Variants in NAV3 observed in about 807,000 individuals in gnomAD.
NAV3 encodes neuron navigator 3, also known as pore membrane and/or filament interacting like protein 1.
Under a neutral mutation model 244.7 loss-of-function variants are expected in NAV3, and 87 were observed. The ratio of observed to expected loss-of-function variants is 0.36; its 90% CI spans 0.30 to 0.42. The LOEUF (loss-of-function observed/expected upper bound fraction) is 0.42, where lower values mean the gene tolerates loss of function less well. Among genes scored for constraint, NAV3 ranks in the 20% least tolerant of loss-of-function variants. NAV3 has a pLI of 1.00. For synonymous variants in NAV3, 1,126 were observed against 1,042.2 expected, an observed-to-expected ratio of 1.08 and a Z score of -1.55; for missense variants, 2,663 against 2,893.3, an observed-to-expected ratio of 0.92 and a Z score of 1.83.
chr12:78,059,959 A>C (rs1414428471), intron 12 of NAV3, among the ~76,000 whole-genome samples: 1 of 131,356 alleles, frequency 7.6e-6, no homozygotes, highest in African/African-American at 2.5e-5. Context: ...AATTTCTTAA[A>C]GATGTGTGTG....
At chr12:77,718,013 C>G (rs1189610409) in intron 2 of NAV3, among the ~76,000 whole-genome samples, 1 of 152,092 alleles carries the variant, frequency 6.6e-6, no homozygotes, top group Admixed American at 6.6e-5. Context: ...ACATTCCCTC[C>G]CATTCCACAG....
chr12:78,197,065 T>A (rs1959185137), intron 34 of NAV3, among the ~76,000 whole-genome samples, 182 bp from the exon 35 acceptor site: 1 of 151,954 alleles, frequency 6.6e-6, no homozygotes, highest in Non-Finnish European at 1.5e-5. Context: ...TTTAAAAAAA[T>A]TATTCTGTCA....
intron 2 of NAV3, among the ~76,000 whole-genome samples, chr12:77,646,404 C>T (rs999139557): frequency 5.3e-5 from 8 of 152,060 alleles, no homozygotes; most frequent in Non-Finnish European, 5.9e-5. Context: ...TCTGTTGAGC[C>T]CTTTGTGTGA....
chr12:78,109,483 A>G (rs1954976422), intron 12 of NAV3, among the ~76,000 whole-genome samples: 1 of 152,018 alleles, frequency 6.6e-6, no homozygotes, highest in Admixed American at 6.6e-5. Context: ...AAAACCTGAC[A>G]AGGACACCAC....
intron 1 of NAV3, among the ~76,000 whole-genome samples, chr12:77,843,277 C>T (rs1184418405): frequency 6.6e-6 from 1 of 151,894 alleles, no homozygotes; most frequent in East Asian, 1.9e-4. Flanking sequence ...CTTCTGATTC[C>T]AGCTAGACCT....
intron 12 of NAV3, among the ~76,000 whole-genome samples, chr12:78,090,354 C>A (rs1317582016): frequency 6.6e-6 from 1 of 151,424 alleles, no homozygotes; most frequent in Non-Finnish European, 1.5e-5. Flanking sequence ...TAATACTAAG[C>A]AATAAAAAAT....
At chr12:77,906,813 T>A (rs982967719) in intron 1 of NAV3, among the ~76,000 whole-genome samples, 4 of 152,154 alleles carry the variant, frequency 2.6e-5, no homozygotes, top group Admixed American at 6.6e-5. Flanking sequence ...AAGTGTTAAA[T>A]ATTGAACTAC....
intron 2 of NAV3, among the ~76,000 whole-genome samples, chr12:77,706,009 T>C (rs1057483191): frequency 4.6e-5 from 7 of 151,518 alleles, no homozygotes; most frequent in African/African-American, 1.7e-4. Context: ...GCTATTGTAA[T>C]AGATGGTGAT....
At chr12:77,818,949 T>C (rs1872626441) in intron 2 of NAV3, among the ~76,000 whole-genome samples, 2 of 152,138 alleles carry the variant, frequency 1.3e-5, no homozygotes, top group Admixed American at 1.3e-4. Flanking sequence ...ATTACACATT[T>C]ATATGTAATA....
Position 77,941,122 on chromosome 12 carries a change from C to G in NAV3, c.403C>G (p.Gln135Glu). The G allele has an allele frequency of 1.3e-6, 2 of 1,567,566 alleles. No homozygotes were observed. Residue 135 changes from glutamine (Q) to glutamate (E), a missense_variant, in exon 3 of 40, where the codon CAG becomes GAG. Around this residue, in one of 6 missense-constraint regions of NAV3, gnomAD observed 1,521 missense variants for 1,497.0 expected, o/e 1.02. Transcript: ENST00000397909. ...AGATATCAATGGATGTCCTAGAAGT[C>G]AGTCTCAGATGGTAAGAATCATATT... ...VEDINGCPRS[Q>E]SQMIENVDVC...
intron 5 of NAV3, among the ~76,000 whole-genome samples, chr12:77,983,865 T>A (rs535740299): frequency 1.1e-4 from 16 of 152,354 alleles, no homozygotes; most frequent in African/African-American, 3.8e-4. Context: ...TTTGTTCTTG[T>A]CTTTCAAATT....
In NAV3 at chr12:77,674,747, G is replaced by A. The variant is rs1427058865; in HGVS notation, c.72+102481G>A. Among the ~76,000 whole-genome samples the A allele has an allele frequency of 2.0e-5, 3 of 152,114 alleles. No individual in the cohort carries two copies. The East Asian group carries it at 5.8e-4, about 29-fold the overall frequency. On this transcript the variant is annotated intron_variant, in intron 2 of 8. Coordinates refer to the NAV3 transcript ENST00000550042. ...AAGTTGCACATGCATTTATATCCAT[G>A]CATTCATTCAATTATTATTCATTGA...
chr12:77,789,234 T>C (rs1035243401), intron 2 of NAV3, among the ~76,000 whole-genome samples: 7 of 152,198 alleles, frequency 4.6e-5, no homozygotes, highest in African/African-American at 1.4e-4. Context: ...GCATGTCTGA[T>C]TGTTTTGTCC....
chr12:77,716,666 A>G (rs1413974280), intron 2 of NAV3, among the ~76,000 whole-genome samples: 1 of 152,002 alleles, frequency 6.6e-6, no homozygotes, highest in Non-Finnish European at 1.5e-5. Flanking sequence ...ATTACAAATG[A>G]TCAAAATTCC....
At chr12:77,671,585 A>G (rs1032947011) in intron 2 of NAV3, among the ~76,000 whole-genome samples, 7 of 152,314 alleles carry the variant, frequency 4.6e-5, no homozygotes, top group South Asian at 2.1e-4. Flanking sequence ...AAGGGAACAG[A>G]GTAGCGATTC....
intron 38 of NAV3, among the ~76,000 whole-genome samples, chr12:78,203,117 GTCAGCTATCAAT>G (rs1211886462): frequency 6.6e-6 from 1 of 152,034 alleles, no homozygotes; most frequent in Non-Finnish European, 1.5e-5. Context: ...TTCTTAACTA[GTCAGCTATCAAT>G]TCATCTCATT....
At chr12:77,733,304 A>G (rs879806664) in intron 2 of NAV3, among the ~76,000 whole-genome samples, 4 of 152,004 alleles carry the variant, frequency 2.6e-5, no homozygotes, top group Admixed American at 1.3e-4. Context: ...TAGATGAAAA[A>G]CCATTTATCA....
At chr12:77,937,058 T>C (rs1889392565) in intron 1 of NAV3, among the ~76,000 whole-genome samples, 1 of 152,186 alleles carries the variant, frequency 6.6e-6, no homozygotes, top group African/African-American at 2.4e-5. Context: ...CCCTCTCTTG[T>C]CATTTCCTTG....
At chr12:77,679,734 T>C (rs1214015013) in intron 2 of NAV3, among the ~76,000 whole-genome samples, 2 of 151,916 alleles carry the variant, frequency 1.3e-5, no homozygotes, top group African/African-American at 4.8e-5. Flanking sequence ...CGAGAAGTAG[T>C]GGGAAAAGAC....
Sources: gnomAD v4.1 joint callset for allele counts (sites outside exome capture counted in the v4.1 genomes callset) on GRCh38, gnomAD v4.1.1 for gene constraint, gnomAD v4.1.1 regional missense constraint, MANE v1.5 for transcripts, NCBI Gene and HGNC (gene_info 2026-07-23, HGNC 2026-07-21) for gene names.